The following EDA variants were observed in gnomAD, a reference collection of about 807,000 sequenced individuals.
EDA encodes ectodysplasin A, also known as ectodysplasin-A.
Under a neutral mutation model 23.6 loss-of-function variants are expected in EDA, and 2 were observed. The ratio of observed to expected loss-of-function variants is 0.08; its 90% CI spans 0.03 to 0.27. The LOEUF is 0.27. EDA is among the 10% of genes least tolerant of loss of function. The pLI is 1.00. For missense variants in EDA, 229 were observed against 324.2 expected (o/e 0.71, Z 2.26); for synonymous variants, 131 against 132.0 (o/e 0.99, Z 0.05).
intron 1 of EDA, among the ~76,000 whole-genome samples, chrX:69,695,520 T>C (rs2011306821): frequency 9.6e-6 from 1 of 103,715 alleles, no homozygotes; most frequent in African/African-American, 3.5e-5. Flanking sequence ...TTCTTTTTTT[T>C]TTTTTTTTTG....
intron 1 of EDA, among the ~76,000 whole-genome samples, chrX:69,684,853 C>T (rs1422013490): frequency 8.9e-6 from 1 of 112,134 alleles, no homozygotes; most frequent in East Asian, 2.8e-4. Flanking sequence ...GTGACTGTGG[C>T]CTGGAATTTT....
chrX:69,649,475 CT>C lies in EDA; in HGVS notation c.396+32778del, dbSNP rs773018176. 4.5e-5 allele frequency among the ~76,000 whole-genome samples: 5 copies of C among 111,602 alleles called. No individual in the cohort carries two copies. The East Asian group carries it at 1.4e-3, about 31-fold the overall frequency. On this transcript the variant is annotated intron_variant, in intron 1 of 7. Transcript: ENST00000374552. ...ATAAGGTAGGGCTATTATTTCTTTA[CT>C]TTTTTTGGCTTATAGCAAGCTTCCC...
chrX:69,806,846 A>G (rs1602427651), intron 1 of EDA, among the ~76,000 whole-genome samples: 4 of 110,514 alleles, frequency 3.6e-5, no homozygotes, highest in African/African-American at 1.3e-4. Context: ...TGAAGAGTCA[A>G]GTATAGCTGG....
At chrX:69,699,077 T>C (rs772022641) in intron 1 of EDA, among the ~76,000 whole-genome samples, 8 of 110,843 alleles carry the variant, frequency 7.2e-5, no homozygotes, top group Non-Finnish European at 1.1e-4. Context: ...GAAAAGGCAG[T>C]GGCGGAGGGA....
intron 1 of EDA, among the ~76,000 whole-genome samples, chrX:69,788,887 C>T (rs1381403949): frequency 1.8e-5 from 2 of 112,876 alleles, no homozygotes; most frequent in Non-Finnish European, 3.8e-5. Flanking sequence ...GCCCCTCCCC[C>T]AGCCTCGCTG....
chrX:69,837,901 C>T (rs923541303), intron 1 of EDA, among the ~76,000 whole-genome samples: 4 of 112,433 alleles, frequency 3.6e-5, no homozygotes, highest in African/African-American at 1.3e-4. Context: ...TATGATCTTA[C>T]CATTCCATCT....
chrX:69,714,338 G>T (rs767348173), intron 1 of EDA, among the ~76,000 whole-genome samples: 1 of 110,419 alleles, frequency 9.1e-6, no homozygotes, highest in Non-Finnish European at 1.9e-5. Context: ...ATATTTTCTC[G>T]TAGTCTATAA....
intron 1 of EDA, among the ~76,000 whole-genome samples, chrX:69,681,095 G>T (rs1325978472): frequency 2.7e-5 from 3 of 110,409 alleles, no homozygotes; most frequent in African/African-American, 9.9e-5. Context: ...TAGTTTGGCT[G>T]GATATGAAAT....
intron 6 of EDA, among the ~76,000 whole-genome samples, chrX:70,031,117 C>T (rs757410685): frequency 6.2e-5 from 7 of 112,430 alleles, no homozygotes; most frequent in African/African-American, 9.7e-5. Context: ...CATATTTGTA[C>T]GATACTTTAG....
intron 1 of EDA, among the ~76,000 whole-genome samples, chrX:69,856,712 T>G (rs1190677161): frequency 9.9e-5 from 3 of 30,402 alleles, no homozygotes; most frequent in Admixed American, 7.8e-4. Flanking sequence ...GATGCGATTA[T>G]TTTTTTTTTT....
chrX:69,908,708 TTAAA>T (rs2147651089), intron 1 of EDA, among the ~76,000 whole-genome samples: 1 of 109,678 alleles, frequency 9.1e-6, no homozygotes, highest in African/African-American at 3.3e-5. Context: ...GTAGTGGTCT[TTAAA>T]TATTAGAAAA....
rs936586512 is a variant in EDA at position 69,657,048 on chromosome X, A to G, written c.396+40344A>G. 2.7e-5 allele frequency among the ~76,000 whole-genome samples: 3 copies of G among 112,037 alleles called. No individual in the cohort carries two copies. The Admixed American group carries it at 2.8e-4, about 11-fold the overall frequency. On this transcript the variant is annotated intron_variant, in intron 1 of 7. Transcript: ENST00000374552. ...GATTGCTGGGTTGAATGGTAATTCT[A>G]TTTTGATTTCTTTGAGAAGTCTTCT...
chrX:69,854,091 G>A (rs1488228587), intron 1 of EDA, among the ~76,000 whole-genome samples: 11 of 111,139 alleles, frequency 9.9e-5, no homozygotes, highest in Admixed American at 1.9e-4. Flanking sequence ...AGATTATTTC[G>A]TCACTCAGGT....
At chrX:69,958,797 C>T (rs768292071) in intron 2 of EDA, among the ~76,000 whole-genome samples, 3 of 111,460 alleles carry the variant, frequency 2.7e-5, no homozygotes, top group African/African-American at 9.8e-5. Context: ...CTCTCCTAAT[C>T]ATCTCACCCT....
At position 69,721,948 on chromosome X, in the gene EDA, C is replaced by T. The variant is rs1210934597; in HGVS notation, c.396+105244C>T. 4.5e-5 allele frequency among the ~76,000 whole-genome samples: 5 copies of T among 111,075 alleles called. No homozygotes were observed. In the East Asian group the frequency reaches 1.4e-3, roughly 31 times the overall value. ...TATCTAGAATTGAGGTTACATTCAC[C>T]AGCTTGTAGACATGACTTTCTTTTT... On this transcript the variant is annotated intron_variant, in intron 1 of 7. Transcript: ENST00000374552.
intron 1 of EDA, among the ~76,000 whole-genome samples, chrX:69,673,308 T>C (rs981539938): frequency 9.0e-6 from 1 of 111,053 alleles, no homozygotes; most frequent in African/African-American, 3.3e-5. Flanking sequence ...ATAGTGATAG[T>C]AGGAATAGTT....
At position 69,616,454 on chromosome X, in the gene EDA, T is replaced by C; in HGVS notation, c.146T>C (p.Leu49Pro). Residue 49 changes from leucine to proline, a missense_variant, in exon 1 of 8, where the codon CTC becomes CCC. By Grantham distance (98) the Leu-to-Pro change is moderately conservative. Around this residue, in one of 2 missense-constraint regions of EDA, gnomAD observed 54 missense variants for 42.4 expected, o/e 1.27. Coordinates refer to ENST00000374552, the MANE Select transcript of EDA (RefSeq NM_001399.5). ...CTGCTCTTCCTGGGTTTCTTTGGCCTCTCGCTGGCCCTCCACCTGCTGACG... is the reference window on the plus strand; with the variant it reads ...CTGCTCTTCCTGGGTTTCTTTGGCCCCTCGCTGGCCCTCCACCTGCTGACG... The part of the protein sequence containing the change: ...SCLLFLGFFG[L>P]SLALHLLTLC... The C allele has an allele frequency of 8.3e-7, 1 of 1,211,820 alleles. No individual in the cohort carries two copies. The highest frequency in any genetic ancestry group is 1.1e-6 in the Non-Finnish European group (1 of 895,433).
At chrX:69,618,451 A>G (rs1652193993) in intron 1 of EDA, among the ~76,000 whole-genome samples, 1 of 112,237 alleles carries the variant, frequency 8.9e-6, no homozygotes, top group African/African-American at 3.2e-5. Context: ...AAGCAAGGAT[A>G]CTAGCTCTTT....
At chrX:69,926,407 A>T (rs1437173107) in intron 1 of EDA, among the ~76,000 whole-genome samples, 11 of 111,399 alleles carry the variant, frequency 9.9e-5, no homozygotes, top group Non-Finnish European at 2.1e-4. Flanking sequence ...CTTTAATTTC[A>T]TCATTTACCC....
Sources: gnomAD v4.1 joint callset for allele counts (sites outside exome capture counted in the v4.1 genomes callset) on GRCh38, gnomAD v4.1.1 for gene constraint, gnomAD v4.1.1 regional missense constraint, MANE v1.5 for transcripts, NCBI Gene and HGNC (gene_info 2026-07-23, HGNC 2026-07-21) for gene names.